NTM: variants seen among roughly 807,000 people sequenced by gnomAD.
The protein encoded by NTM is IgLON family member 2.
In NTM, 13 loss-of-function variants were observed where a neutral mutation model predicts 42.1. The observed-to-expected ratio is 0.31, with a 90% CI of 0.20 to 0.49. NTM has a LOEUF of 0.49. NTM is among the 20% of genes least tolerant of loss of function. The pLI, the probability that NTM is intolerant of heterozygous loss-of-function variation, is 0.99. For missense variants in NTM, 373 were observed against 452.8 expected (o/e 0.82, Z 1.60); for synonymous variants, 187 against 179.2 (o/e 1.04, Z -0.35).
At chr11:131,414,538 C>T (rs1021658612) in intron 1 of NTM, among the ~76,000 whole-genome samples, 11 of 152,116 alleles carry the variant, frequency 7.2e-5, no homozygotes, top group African/African-American at 1.4e-4. Flanking sequence ...CAGGAGCATT[C>T]GGGAGTGAAT....
chr11:131,889,936 A>G (rs2051002117), intron 1 of NTM, among the ~76,000 whole-genome samples: 1 of 152,052 alleles, frequency 6.6e-6, no homozygotes, highest in South Asian at 2.1e-4. Context: ...CTACTTAGGC[A>G]TGCATTTAGC....
At chr11:131,961,480 T>G (rs71485707) in intron 2 of NTM, among the ~76,000 whole-genome samples, 15,093 of 152,238 alleles carry the variant, frequency 0.099, 864 homozygotes, top group East Asian at 0.21. Flanking sequence ...TATTTAATCA[T>G]TTTTGTGATG....
intron 2 of NTM, among the ~76,000 whole-genome samples, chr11:132,110,007 C>T (rs567006102): frequency 6.6e-6 from 1 of 152,256 alleles, no homozygotes; most frequent in Non-Finnish European, 1.5e-5. Context: ...AATGTTACCT[C>T]CTCAAAATGG....
chr11:131,836,066 G>C lies in NTM; in HGVS notation c.83-75498G>C, dbSNP rs1473464771. Among the ~76,000 whole-genome samples, 3 of 152,292 alleles carry C rather than the reference G, an allele frequency of 2.0e-5. No individual in the cohort carries two copies. The East Asian group carries it at 5.8e-4, about 29-fold the overall frequency. ...TTTAGAGAATGAAGACAGGCTGCAA[G>C]AATAGGAGGCTTCTGAGTACAGGTC... On this transcript the variant is annotated intron_variant, in intron 1 of 8. Transcript: ENST00000683400.
At chr11:132,249,728 G>T in intron 4 of NTM, among the ~76,000 whole-genome samples, 1 of 152,242 alleles carries the variant, frequency 6.6e-6, no homozygotes, top group East Asian at 1.9e-4. Flanking sequence ...CTCTCACCCT[G>T]ATGTGGTGAA....
rs142715809 is a variant in NTM, at chr11:132,131,552, C to T, written c.168-14730C>T. 5.0e-3 allele frequency among the ~76,000 whole-genome samples: 759 copies of T among 151,762 alleles called. 12 individuals carry two copies. Among genetic ancestry groups the T allele is most frequent in the African/African-American group, 0.018 (729 of 41,362 alleles). On this transcript the variant is annotated intron_variant, in intron 2 of 8. Coordinates refer to ENST00000683400, the MANE Select transcript of NTM (RefSeq NM_001352005.2). ...CCTTGTGAAGGAAGGGGTGTGTGGG[C>T]GAGTAAGTAGGGAGGGGTGCTGTAG...
chr11:131,382,115 G>A (rs1286512067), intron 1 of NTM, among the ~76,000 whole-genome samples: 1 of 152,112 alleles, frequency 6.6e-6, no homozygotes, highest in East Asian at 1.9e-4. Flanking sequence ...TCCAGATTCT[G>A]TTATGACATA....
intron 2 of NTM, among the ~76,000 whole-genome samples, chr11:131,953,676 A>T (rs1190288912): frequency 1.3e-5 from 2 of 152,186 alleles, no homozygotes; most frequent in African/African-American, 4.8e-5. Flanking sequence ...GCACTGGACA[A>T]AATACAAAAT....
chr11:132,246,580 CT>C (rs2091199138), intron 4 of NTM, among the ~76,000 whole-genome samples: 2 of 152,318 alleles, frequency 1.3e-5, no homozygotes, highest in South Asian at 4.1e-4. Context: ...AATTGTTTTG[CT>C]TTGGATAATA....
At chr11:131,681,914 G>A (rs57124764) in intron 1 of NTM, among the ~76,000 whole-genome samples, 1 of 150,094 alleles carries the variant, frequency 6.7e-6, no homozygotes, top group South Asian at 2.1e-4. Flanking sequence ...TGTGTGTGTC[G>A]TGTGTGTGTG....
At chr11:132,316,402 A>G (rs2095431267) in intron 7 of NTM, among the ~76,000 whole-genome samples, 1 of 152,184 alleles carries the variant, frequency 6.6e-6, no homozygotes, top group Admixed American at 6.5e-5. Context: ...TGGGTCTATC[A>G]ATCAGCATCT....
chr11:131,773,794 C>G (rs1371921958), intron 1 of NTM, among the ~76,000 whole-genome samples: 1 of 152,124 alleles, frequency 6.6e-6, no homozygotes, highest in African/African-American at 2.4e-5. Flanking sequence ...TGGTTAGTAA[C>G]CTGACTGTGT....
At chr11:131,620,336 C>T (rs2062399841) in intron 1 of NTM, among the ~76,000 whole-genome samples, 1 of 152,186 alleles carries the variant, frequency 6.6e-6, no homozygotes, top group Non-Finnish European at 1.5e-5. Flanking sequence ...GGTCTTCCTA[C>T]CTCTTCCCAT....
chr11:131,386,555 T>TTGGTGGCA (rs372031064), intron 1 of NTM, among the ~76,000 whole-genome samples: 1 of 152,240 alleles, frequency 6.6e-6, no homozygotes, highest in African/African-American at 2.4e-5. Context: ...ATGTGTAAGC[T>TTGGTGGCA]TGGTGGCAGG....
At chr11:132,256,248 C>T (rs191029624) in intron 4 of NTM, among the ~76,000 whole-genome samples, 132 of 152,340 alleles carry the variant, frequency 8.7e-4, no homozygotes, top group Middle Eastern at 6.8e-3. Context: ...GGTCCTCCCA[C>T]GTGCAGCCCT....
chr11:132,135,150 G>A (rs1035622522), intron 2 of NTM, among the ~76,000 whole-genome samples: 2 of 152,038 alleles, frequency 1.3e-5, no homozygotes, highest in Non-Finnish European at 2.9e-5. Flanking sequence ...AATGTTCTTG[G>A]CACTCCAAGG....
At chr11:131,991,795 A>G (rs1223854641) in intron 2 of NTM, among the ~76,000 whole-genome samples, 1 of 152,222 alleles carries the variant, frequency 6.6e-6, no homozygotes, top group Non-Finnish European at 1.5e-5. Flanking sequence ...CATTGCATTC[A>G]CAAAGGCAGG....
At chr11:132,105,505 GAGGTGGGAGAAAGGA>G (rs994710654) in intron 2 of NTM, among the ~76,000 whole-genome samples, 5 of 152,092 alleles carry the variant, frequency 3.3e-5, no homozygotes, top group Admixed American at 1.3e-4. Context: ...AAAGAAAGAA[GAGGTGGGAGAAAGGA>G]ACCAGAGGAA....
chr11:131,474,762 A>T (rs1195604030), intron 1 of NTM, among the ~76,000 whole-genome samples: 3 of 152,082 alleles, frequency 2.0e-5, no homozygotes, highest in African/African-American at 7.2e-5. Context: ...ATAGGGTATC[A>T]TTATATCCTT....
Sources: allele counts gnomAD v4.1 joint callset (sites outside exome capture counted in the v4.1 genomes callset), GRCh38; gene constraint gnomAD v4.1.1; transcripts MANE v1.5; gene names NCBI Gene and HGNC (gene_info 2026-07-23, HGNC 2026-07-21).